H2AZ2: variants seen among roughly 807,000 people sequenced by gnomAD.
H2AZ2 encodes H2A.Z variant histone 2.
In H2AZ2, 5 loss-of-function variants were observed where a neutral mutation model predicts 15.5. The observed-to-expected ratio is 0.32, with a 90% CI of 0.17 to 0.68. The LOEUF is 0.68. Among genes scored for constraint, H2AZ2 ranks in the 30% least tolerant of loss-of-function variants. H2AZ2 has a pLI of 0.72. For synonymous variants in H2AZ2, 44 were observed against 57.4 expected, an observed-to-expected ratio of 0.77 and a Z score of 1.05; for missense variants, 42 against 162.5, an observed-to-expected ratio of 0.26 and a Z score of 4.03.
intron 4 of H2AZ2, chr7:44,835,184 T>C (rs1325121400): frequency 3.4e-6 from 1 of 290,912 alleles, no homozygotes; most frequent in East Asian, 5.8e-5. Flanking sequence ...ACTTTTCAAG[T>C]GTATTTATTT....
At chr7:44,830,188 A>T (rs1386804703), downstream of H2AZ2, 12 of 1,611,660 alleles carry the variant, frequency 7.4e-6, no homozygotes, top group Non-Finnish European at 1.0e-5. Flanking sequence ...CAGGACAAAT[A>T]GAGAATAAAA....
chr7:44,838,032 G>A (rs1427441192), intron 3 of H2AZ2, among the ~76,000 whole-genome samples: 3 of 151,632 alleles, frequency 2.0e-5, no homozygotes, highest in Admixed American at 6.6e-5. Flanking sequence ...GTGCAGTGGC[G>A]CGATCTCGGC....
At chr7:44,831,254 C>T (rs867725944), downstream of H2AZ2, among the ~76,000 whole-genome samples, 3 of 152,098 alleles carry the variant, frequency 2.0e-5, no homozygotes, top group Non-Finnish European at 2.9e-5. Flanking sequence ...ATAGCTGGAA[C>T]GTGCTTTAAA....
rs7806146 is a variant in H2AZ2 at position 44,833,386 on chromosome 7, C to A, written c.*1115G>T. Among the ~76,000 whole-genome samples, 1,313 of 152,176 alleles carry A rather than the reference C, an allele frequency of 8.6e-3. 16 individuals carry two copies. Among genetic ancestry groups the A allele is most frequent in the African/African-American group, 0.03 (1,233 of 41,452 alleles). Reference sequence around the variant, plus strand: ...TAGCTGGGACTACAGGCGCGTGCCACCACACCCGGCTAATTTTTTGTATTT... The same window carrying A: ...TAGCTGGGACTACAGGCGCGTGCCAACACACCCGGCTAATTTTTTGTATTT... On this transcript the variant is annotated 3_prime_UTR_variant, in exon 5 of 5. Transcript: ENST00000308153.
downstream of H2AZ2, chr7:44,829,617 A>G (rs1346358395): frequency 6.6e-6 from 1 of 152,126 alleles, no homozygotes; most frequent in Admixed American, 6.5e-5. Context: ...AAAAAAAAAA[A>G]AAAGCTAAGT....
chr7:44,838,625 C>T (rs958712468), intron 3 of H2AZ2, among the ~76,000 whole-genome samples: 12 of 152,144 alleles, frequency 7.9e-5, no homozygotes, highest in African/African-American at 2.9e-4. Context: ...TGCCTTCCAG[C>T]CTGGGAGACA....
At chr7:44,841,167 G>C (rs1793266785) in intron 2 of H2AZ2, among the ~76,000 whole-genome samples, 155 bp from the exon 3 acceptor site, 1 of 152,214 alleles carries the variant, frequency 6.6e-6, no homozygotes, top group Non-Finnish European at 1.5e-5. Flanking sequence ...CCCAGGGCCT[G>C]TGTCTCTGTT....
rs1562785574 is a variant in H2AZ2 at position 44,835,676 on chromosome 7, T to C, written c.196-18A>G. On this transcript the variant is annotated intron_variant, in intron 3 of 4. Transcript: ENST00000308153. ...TCCAGCACCTACAAAGCATCCATGATTAGCATATCAAATGAAGGACCTAGG... is the reference window on the plus strand; with the variant it reads ...TCCAGCACCTACAAAGCATCCATGACTAGCATATCAAATGAAGGACCTAGG... The C allele has an allele frequency of 6.4e-7, 1 of 1,560,192 alleles. No individual in the cohort carries two copies. Among genetic ancestry groups the C allele is most frequent in the East Asian group, 2.3e-5 (1 of 43,980 alleles).
chr7:44,834,355 T>C lies in H2AZ2; in HGVS notation c.*146A>G. The stretch of plus-strand genomic sequence containing the variant: ...TTATCAAACTTCGAGTCTAAGAACA[T>C]ACAAATGTTTCTTTTATCATGTCTA... On this transcript the variant is annotated 3_prime_UTR_variant, in exon 5 of 5. Transcript: ENST00000308153. The C allele has an allele frequency of 7.5e-7, 1 of 1,340,126 alleles. No individual in the cohort carries two copies. The highest frequency in any genetic ancestry group is 9.7e-7 in the Non-Finnish European group (1 of 1,035,618). 83.0% of individuals were successfully genotyped at this position (1,340,126 alleles called of 1,614,324 possible).
chr7:44,835,260 T>C (rs1460651436), intron 4 of H2AZ2: 4 of 410,156 alleles, frequency 9.8e-6, no homozygotes, highest in Non-Finnish European at 1.7e-5. Flanking sequence ...TAAAAAAGTA[T>C]GGGAAATATG....
At position 44,834,161 on chromosome 7, in the gene H2AZ2, T is replaced by C; in HGVS notation, c.*340A>G. 1 of 1,001,592 alleles carries C rather than the reference T, an allele frequency of 1.0e-6. No homozygotes were observed. Among genetic ancestry groups the C allele is most frequent in the Non-Finnish European group, 1.2e-6 (1 of 829,034 alleles). The allele number at this position is 1,001,592 out of a possible 1,614,324, so 62.0% of individuals were successfully genotyped here. A position where few individuals can be genotyped will look rare whatever the true frequency, so the allele number is the denominator to read the frequency against. On this transcript the variant is annotated 3_prime_UTR_variant, in exon 5 of 5. Transcript: ENST00000308153. Reference sequence around the variant, plus strand: ...GTTACTCTGAATAACCAATCTGAGATTTAAAATATTTAAAGTCTGAGTAAA... The same window carrying C: ...GTTACTCTGAATAACCAATCTGAGACTTAAAATATTTAAAGTCTGAGTAAA...
downstream of H2AZ2, among the ~76,000 whole-genome samples, chr7:44,831,532 C>T (rs1009051108): frequency 4.1e-5 from 6 of 145,312 alleles, no homozygotes; most frequent in African/African-American, 1.7e-4. Context: ...TATTGCACTC[C>T]CCCCCCCGCT....
intron 2 of H2AZ2, among the ~76,000 whole-genome samples, 189 bp downstream of exon 2, chr7:44,843,088 G>A (rs1480110247): frequency 4.7e-5 from 6 of 126,952 alleles, no homozygotes; most frequent in Middle Eastern, 5.2e-3. Flanking sequence ...GCAGTGAGCC[G>A]AGATTGCACC....
chr7:44,841,323 A>G (rs1302881889), intron 2 of H2AZ2, among the ~76,000 whole-genome samples: 5 of 152,178 alleles, frequency 3.3e-5, no homozygotes, highest in African/African-American at 9.7e-5. Context: ...TCTTCACATA[A>G]TAGCCACATG....
At chr7:44,844,853 T>C (rs1322466613) in intron 1 of H2AZ2, among the ~76,000 whole-genome samples, 4 of 152,212 alleles carry the variant, frequency 2.6e-5, no homozygotes, top group Non-Finnish European at 5.9e-5. Flanking sequence ...TTATAGAGTA[T>C]ATGTGTACAC....
chr7:44,846,062 C>CACACAG (rs57468916), intron 1 of H2AZ2, among the ~76,000 whole-genome samples: 5 of 75,158 alleles, frequency 6.7e-5, no homozygotes, highest in African/African-American at 2.1e-4. Flanking sequence ...CACACACACA[C>CACACAG]AGAGAGAGAC....
chr7:44,841,107 A>T, intron 2 of H2AZ2, 95 bp from the exon 3 acceptor site: 2 of 908,564 alleles, frequency 2.2e-6, no homozygotes, highest in Non-Finnish European at 3.4e-6. Flanking sequence ...GAAATAATAA[A>T]AAACTTGATC....
intron 1 of H2AZ2, among the ~76,000 whole-genome samples, chr7:44,846,475 G>A (rs1374405054): frequency 6.6e-6 from 1 of 151,010 alleles, no homozygotes. Context: ...AAATTAGCAG[G>A]GCGTGGTGGC....
At chr7:44,837,227 G>A (rs1204805354) in intron 3 of H2AZ2, among the ~76,000 whole-genome samples, 1 of 151,562 alleles carries the variant, frequency 6.6e-6, no homozygotes, top group Non-Finnish European at 1.5e-5. Flanking sequence ...ATAGAGCAGT[G>A]TTGGGTATAC....
Sources: gnomAD v4.1 joint callset for allele counts (sites outside exome capture counted in the v4.1 genomes callset) on GRCh38, gnomAD v4.1.1 for gene constraint, MANE v1.5 for transcripts, NCBI Gene and HGNC (gene_info 2026-07-23, HGNC 2026-07-21) for gene names.